CFAP61: variants seen among roughly 807,000 people sequenced by gnomAD.
CFAP61 encodes the protein cilia- and flagella-associated protein 61.
CFAP61 carries 107 observed loss-of-function variants against 135.6 expected under a neutral mutation model. The ratio of observed to expected loss-of-function variants is 0.79; its 90% CI spans 0.67 to 0.93. The LOEUF (loss-of-function observed/expected upper bound fraction) is 0.93, where lower values mean the gene tolerates loss of function less well. Among genes scored for constraint, CFAP61 ranks in the 40% least tolerant of loss-of-function variants. The pLI is 0.00. For synonymous variants in CFAP61, 575 were observed against 578.5 expected (o/e 0.99, Z 0.09); for missense variants, 1,507 against 1,556.2 (o/e 0.97, Z 0.53).
chr20:20,314,211 C>T (rs1234473989), intron 25 of CFAP61, among the ~76,000 whole-genome samples: 3 of 125,778 alleles, frequency 2.4e-5, no homozygotes, highest in Non-Finnish European at 4.9e-5. Flanking sequence ...TAGTGAGACC[C>T]CATCTCTACA....
In CFAP61 at chr20:20,290,349, C is replaced by G. The variant is rs777907437; in HGVS notation, c.3174C>G (p.Ala1058=). The G allele has an allele frequency of 3.1e-6, 5 of 1,613,362 alleles. No homozygotes were observed. Among genetic ancestry groups the G allele is most frequent in the Admixed American group, 1.7e-5 (1 of 60,010 alleles). ...ATTATCTGCATATTGCCAAGCCTGCCATTCCAACTCCCTTGGAGGTACAAA... is the reference window on the plus strand; with the variant it reads ...ATTATCTGCATATTGCCAAGCCTGCGATTCCAACTCCCTTGGAGGTACAAA... ...SYHYLHIAKP[A]IPTPLEVQMA... is the part of the protein sequence containing the mutation. The change falls in exon 24 of 27, where the codon GCC becomes GCG. Residue 1058 remains alanine, a synonymous_variant. Transcript: ENST00000245957.
At chr20:20,123,081 C>T (rs564458895) in intron 8 of CFAP61, among the ~76,000 whole-genome samples, 2 of 151,690 alleles carry the variant, frequency 1.3e-5, no homozygotes, top group South Asian at 4.2e-4. Context: ...TGAGAATTAT[C>T]TATTCATGTC....
intron 25 of CFAP61, among the ~76,000 whole-genome samples, chr20:20,338,428 C>A (rs2058320622): frequency 6.6e-6 from 1 of 152,048 alleles, no homozygotes; most frequent in Non-Finnish European, 1.5e-5. Context: ...TTTTTCATGC[C>A]AAGAGAAAAC....
intron 8 of CFAP61, among the ~76,000 whole-genome samples, chr20:20,137,543 A>G (rs1228931276): frequency 3.3e-5 from 5 of 152,148 alleles, no homozygotes; most frequent in African/African-American, 1.2e-4. Context: ...ACAGGCCCAC[A>G]GGGAGTACTA....
intron 21 of CFAP61, among the ~76,000 whole-genome samples, chr20:20,268,573 T>A (rs1195909482): frequency 1.3e-5 from 2 of 152,190 alleles, no homozygotes; most frequent in African/African-American, 4.8e-5. Flanking sequence ...TTTTCCGGGC[T>A]CTAGAGTTGG....
intron 13 of CFAP61, among the ~76,000 whole-genome samples, chr20:20,177,641 A>C (rs2054733814): frequency 6.6e-6 from 1 of 151,350 alleles, no homozygotes; most frequent in Admixed American, 6.6e-5. Context: ...GGGAAACAGA[A>C]ATGATGCAAA....
intron 2 of CFAP61, among the ~76,000 whole-genome samples, chr20:20,062,734 C>T (rs966493073): frequency 1.3e-5 from 2 of 152,170 alleles, no homozygotes; most frequent in South Asian, 2.1e-4. Context: ...AACTAAATCC[C>T]TCGTGACTAG....
chr20:20,303,913 T>C (rs990282496), intron 25 of CFAP61, among the ~76,000 whole-genome samples: 5 of 152,136 alleles, frequency 3.3e-5, no homozygotes, highest in Admixed American at 2.0e-4. Flanking sequence ...TCCTCTCCAC[T>C]TCCCCCTATC....
chr20:20,249,444 G>A (rs1320634532), intron 19 of CFAP61, among the ~76,000 whole-genome samples: 2 of 152,096 alleles, frequency 1.3e-5, no homozygotes, highest in Non-Finnish European at 1.5e-5. Flanking sequence ...GAGTCTGAGC[G>A]GGGAGGATAG....
intron 9 of CFAP61, among the ~76,000 whole-genome samples, chr20:20,147,100 T>C (rs1402729832): frequency 6.6e-6 from 1 of 152,256 alleles, no homozygotes; most frequent in African/African-American, 2.4e-5. Flanking sequence ...TATGGTTGAA[T>C]AGTATTTCAT....
chr20:20,119,142 T>A (rs1482306009), intron 8 of CFAP61, among the ~76,000 whole-genome samples: 1 of 152,146 alleles, frequency 6.6e-6, no homozygotes, highest in East Asian at 1.9e-4. Context: ...ATACAATGAG[T>A]TTAGAAGTAT....
intron 17 of CFAP61, among the ~76,000 whole-genome samples, chr20:20,208,520 C>A (rs529814170): frequency 5.7e-4 from 87 of 152,342 alleles, no homozygotes; most frequent in African/African-American, 1.9e-3. Context: ...TCCTAACTCT[C>A]GTGCCCCTTC....
chr20:20,168,841 C>T (rs975671625), intron 12 of CFAP61, among the ~76,000 whole-genome samples: 3 of 152,230 alleles, frequency 2.0e-5, no homozygotes, highest in Admixed American at 6.5e-5. Flanking sequence ...TGATAAAATA[C>T]GTACACATTG....
intron 8 of CFAP61, among the ~76,000 whole-genome samples, chr20:20,101,498 C>T (rs962558853): frequency 2.6e-5 from 4 of 152,216 alleles, no homozygotes; most frequent in African/African-American, 7.2e-5. Flanking sequence ...TCTCTGCTTT[C>T]GTGCATGATG....
chr20:20,145,917 C>T (rs1256397344), intron 9 of CFAP61, among the ~76,000 whole-genome samples: 2 of 152,182 alleles, frequency 1.3e-5, no homozygotes, highest in African/African-American at 4.8e-5. Flanking sequence ...CAATATGCTC[C>T]TCTCAATAAT....
intron 8 of CFAP61, among the ~76,000 whole-genome samples, chr20:20,099,599 T>A (rs926870219): frequency 2.6e-5 from 4 of 152,112 alleles, no homozygotes; most frequent in African/African-American, 9.7e-5. Context: ...TTGTGAAGTT[T>A]CACTGAGATA....
intron 22 of CFAP61, among the ~76,000 whole-genome samples, chr20:20,279,512 C>T (rs1299497416): frequency 2.0e-5 from 3 of 152,016 alleles, no homozygotes; most frequent in African/African-American, 4.8e-5. Flanking sequence ...AGTGGATCAT[C>T]ATAAAGATCT....
At chr20:20,161,191 T>A (rs1386423577) in intron 10 of CFAP61, among the ~76,000 whole-genome samples, 1 of 151,976 alleles carries the variant, frequency 6.6e-6, no homozygotes, top group African/African-American at 2.4e-5. Context: ...AGGACAGCAG[T>A]TTTCTCTCTA....
chr20:20,319,934 C>A lies in CFAP61; in HGVS notation c.3422+21548C>A, dbSNP rs895683316. On this transcript the variant is annotated intron_variant, in intron 25 of 26. Coordinates refer to ENST00000245957, the MANE Select transcript of CFAP61 (RefSeq NM_015585.4). Reference sequence around the variant, plus strand: ...CCTTGGTGGGAAAACACACCACCTGCGAAAAACAAGCCAAATTGAACCTGA... The same window carrying A: ...CCTTGGTGGGAAAACACACCACCTGAGAAAAACAAGCCAAATTGAACCTGA... Among the ~76,000 whole-genome samples, 5 of 151,956 alleles carry A rather than the reference C, an allele frequency of 3.3e-5. No homozygotes were observed. The South Asian group carries it at 6.2e-4, about 19-fold the overall frequency.
Sources: allele counts gnomAD v4.1 joint callset (sites outside exome capture counted in the v4.1 genomes callset), GRCh38; gene constraint gnomAD v4.1.1; transcripts MANE v1.5; gene names NCBI Gene and HGNC (gene_info 2026-07-23, HGNC 2026-07-21).